Variants in SCAF11 observed in about 807,000 individuals in gnomAD.
SCAF11 encodes the protein SR-related CTD associated factor 11.
SCAF11 carries 47 observed loss-of-function variants against 140.5 expected under a neutral mutation model. The ratio of observed to expected loss-of-function variants is 0.33; its 90% CI spans 0.26 to 0.43. SCAF11 has a LOEUF of 0.43. SCAF11 is among the 20% of genes least tolerant of loss of function. The pLI is 1.00. For synonymous variants in SCAF11, 557 were observed against 579.4 expected (o/e 0.96, Z 0.55); for missense variants, 1,645 against 1,705.1 (o/e 0.96, Z 0.62).
chr12:45,988,368 T>C lies in SCAF11; in HGVS notation c.-22+1985A>G, dbSNP rs1946510474. 2.0e-5 allele frequency among the ~76,000 whole-genome samples: 3 copies of C among 152,348 alleles called. No individual in the cohort carries two copies. The South Asian group carries it at 6.2e-4, about 32-fold the overall frequency. The stretch of plus-strand genomic sequence containing the variant: ...AGTATTAAGTTGATGGGTAGTATAG[T>C]ACTGTATTTTCTGATTACTAAAAGA... On this transcript the variant is annotated intron_variant, in intron 1 of 14. Transcript: ENST00000369367.
chr12:45,959,712 A>AC (rs1386171464), intron 3 of SCAF11, among the ~76,000 whole-genome samples: 43 of 152,346 alleles, frequency 2.8e-4, no homozygotes, highest in African/African-American at 1.0e-3. Flanking sequence ...CTGAAAACTT[A>AC]GTCTACATGA....
At chr12:45,934,083 T>G in intron 8 of SCAF11, 93 bp downstream of exon 8, 1 of 724,560 alleles carries the variant, frequency 1.4e-6, no homozygotes, top group East Asian at 3.1e-5. Flanking sequence ...CCTTTCAGTT[T>G]TTATTGGGCC....
chr12:45,968,995 C>G (rs1946011969), intron 1 of SCAF11, among the ~76,000 whole-genome samples: 1 of 152,176 alleles, frequency 6.6e-6, no homozygotes, highest in Admixed American at 6.5e-5. Context: ...TAGAATAGTG[C>G]TGCCCAACAG....
At chr12:45,922,322 C>T in intron 14 of SCAF11, 128 bp from the exon 15 acceptor site, 1 of 1,460,008 alleles carries the variant, frequency 6.8e-7, no homozygotes, top group Non-Finnish European at 9.3e-7. Context: ...TTATCTCACA[C>T]AAACTAATCA....
At chr12:45,964,657 ACT>A (rs1428390380) in intron 1 of SCAF11, among the ~76,000 whole-genome samples, 1 of 149,924 alleles carries the variant, frequency 6.7e-6, no homozygotes, top group Non-Finnish European at 1.5e-5. Context: ...ACACAGTGAG[ACT>A]CTGTCTCAAA....
At chr12:45,977,019 A>T (rs187571526) in intron 1 of SCAF11, among the ~76,000 whole-genome samples, 577 of 152,232 alleles carry the variant, frequency 3.8e-3, no homozygotes, top group African/African-American at 0.011. Context: ...CCTTCCAAAA[A>T]AGAAACCTCG....
intron 3 of SCAF11, among the ~76,000 whole-genome samples, chr12:45,953,117 T>C (rs1256600281): frequency 2.0e-5 from 3 of 152,210 alleles, no homozygotes. Context: ...GACCTTACTA[T>C]ATTAAATTGG....
chr12:45,933,340 T>A lies in SCAF11; in HGVS notation c.633-108A>T, dbSNP rs181301155. 1.6e-3 allele frequency: 985 copies of A among 619,470 alleles called. 3 individuals carry two copies. Among genetic ancestry groups the A allele is most frequent in the Non-Finnish European group, 2.5e-3 (902 of 355,468 alleles). The allele number at this position is 619,470 out of a possible 1,614,324, so 38.4% of individuals were successfully genotyped here. On this transcript the variant is annotated intron_variant, in intron 8 of 14. Transcript: ENST00000369367. ...TCGTTTTTGTACCTGGCATTATGAA[T>A]CACACTTACAAGCATGTGAGCTCTT...
At chr12:45,955,702 A>C (rs1020927344) in intron 3 of SCAF11, 2 of 154,060 alleles carry the variant, frequency 1.3e-5, no homozygotes, top group African/African-American at 4.8e-5. Context: ...AATACAATAA[A>C]AATATCCTTC....
At chr12:45,956,375 C>T (rs933972871) in intron 3 of SCAF11, among the ~76,000 whole-genome samples, 40 of 152,128 alleles carry the variant, frequency 2.6e-4, no homozygotes, top group African/African-American at 9.2e-4. Context: ...AAATGCATAC[C>T]ATTAGTGGCT....
chr12:45,934,713 C>T (rs1592175875), intron 6 of SCAF11, among the ~76,000 whole-genome samples: 1 of 152,094 alleles, frequency 6.6e-6, no homozygotes, highest in South Asian at 2.1e-4. Flanking sequence ...ATATAAAAGG[C>T]CACAATACAG....
chr12:45,990,562 G>C lies in SCAF11; in HGVS notation c.-231C>G. The C allele has an allele frequency of 8.1e-7, 1 of 1,231,446 alleles. No individual in the cohort carries two copies. Among genetic ancestry groups the C allele is most frequent in the Non-Finnish European group, 1.0e-6 (1 of 987,924 alleles). 76.3% of individuals were successfully genotyped at this position (1,231,446 alleles called of 1,614,324 possible). On this transcript the variant is annotated 5_prime_UTR_variant, in exon 1 of 15. Coordinates refer to ENST00000369367, the MANE Select transcript of SCAF11 (RefSeq NM_004719.3). ...GGTTGCGCTGCTCCGCGCGGCTTAAGCCACCGCTACTCCCCCTTCCCCCGC... is the reference window on the plus strand; with the variant it reads ...GGTTGCGCTGCTCCGCGCGGCTTAACCCACCGCTACTCCCCCTTCCCCCGC...
intron 6 of SCAF11, among the ~76,000 whole-genome samples, chr12:45,938,420 C>T (rs141952164): frequency 0.014 from 2,082 of 152,130 alleles, 21 homozygotes; most frequent in Middle Eastern, 0.02. Flanking sequence ...ACCTGGGAGG[C>T]GGAGGTTGCA....
At chr12:45,925,381 C>T (rs1233955372) in intron 11 of SCAF11, among the ~76,000 whole-genome samples, 5 of 152,094 alleles carry the variant, frequency 3.3e-5, no homozygotes, top group South Asian at 2.1e-4. Context: ...GGTGAAACCC[C>T]GTCTCTACTA....
At chr12:45,958,912 T>A (rs529419708) in intron 3 of SCAF11, among the ~76,000 whole-genome samples, 12 of 152,212 alleles carry the variant, frequency 7.9e-5, no homozygotes, top group Admixed American at 2.0e-4. Flanking sequence ...TATACTAGAC[T>A]ACGACACACT....
At chr12:45,990,628 T>TCCC (rs1946580185), upstream of SCAF11, 1 of 1,180,200 alleles carries the variant, frequency 8.5e-7, no homozygotes, top group African/African-American at 1.6e-5. Context: ...CCTGCGCGTC[T>TCCC]CCCTCCTCCT....
intron 4 of SCAF11, among the ~76,000 whole-genome samples, 166 bp downstream of exon 4, chr12:45,951,484 T>C (rs1945548297): frequency 6.6e-6 from 1 of 152,166 alleles, no homozygotes; most frequent in African/African-American, 2.4e-5. Context: ...GGTTCAGAAT[T>C]TAAGTATATT....
intron 1 of SCAF11, among the ~76,000 whole-genome samples, chr12:45,971,966 TC>T (rs1946084154): frequency 6.6e-6 from 1 of 152,094 alleles, no homozygotes; most frequent in African/African-American, 2.4e-5. Flanking sequence ...GAAAAGACTG[TC>T]CCAGGGATCT....
chr12:45,984,991 A>T (rs1946429056), intron 1 of SCAF11, among the ~76,000 whole-genome samples: 1 of 152,166 alleles, frequency 6.6e-6, no homozygotes, highest in Non-Finnish European at 1.5e-5. Flanking sequence ...CACCACACCC[A>T]GCCACTTCCT....
Sources: allele counts gnomAD v4.1 joint callset (sites outside exome capture counted in the v4.1 genomes callset), GRCh38; gene constraint gnomAD v4.1.1; transcripts MANE v1.5; gene names NCBI Gene and HGNC (gene_info 2026-07-23, HGNC 2026-07-21).